PRKG1: variants seen among roughly 807,000 people sequenced by gnomAD.
PRKG1 encodes protein kinase cGMP-dependent 1.
PRKG1 carries 35 observed loss-of-function variants against 88.1 expected under a neutral mutation model. That is an observed-to-expected ratio of 0.40 (90% CI 0.30 to 0.53). PRKG1 has a LOEUF of 0.53. PRKG1 is among the 20% of genes least tolerant of loss of function. The pLI, the probability that PRKG1 is intolerant of heterozygous loss-of-function variation, is 0.59. For synonymous variants in PRKG1, 303 were observed against 292.5 expected (o/e 1.04, Z -0.37); for missense variants, 540 against 839.8 (o/e 0.64, Z 4.41).
intron 2 of PRKG1, among the ~76,000 whole-genome samples, chr10:51,375,755 G>T (rs1469823042): frequency 1.8e-5 from 1 of 54,878 alleles, no homozygotes; most frequent in Non-Finnish European, 3.8e-5. Flanking sequence ...TGTTGGTGGT[G>T]GGGGGGTGTT....
chr10:52,179,384 CT>C (rs1838950864), intron 9 of PRKG1, among the ~76,000 whole-genome samples: 1 of 152,070 alleles, frequency 6.6e-6, no homozygotes, highest in Non-Finnish European at 1.5e-5. Flanking sequence ...CAGGTCCCCT[CT>C]TCTACTTTTG....
intron 5 of PRKG1, chr10:51,909,748 C>T (rs1024513401): frequency 2.6e-5 from 4 of 152,094 alleles, no homozygotes; most frequent in Non-Finnish European, 5.9e-5. Context: ...GAGCTTTTTG[C>T]TTGTTAAAAT....
intron 3 of PRKG1, among the ~76,000 whole-genome samples, chr10:51,803,856 T>G (rs910508047): frequency 6.6e-6 from 1 of 152,178 alleles, no homozygotes; most frequent in African/African-American, 2.4e-5. Flanking sequence ...ATGTGCTCAT[T>G]TTAAAAGTGT....
At chr10:51,642,341 G>A (rs546835234) in intron 3 of PRKG1, among the ~76,000 whole-genome samples, 1 of 152,256 alleles carries the variant, frequency 6.6e-6, no homozygotes, top group East Asian at 1.9e-4. Context: ...AGTGAGCCAA[G>A]ATCATGCCAC....
At chr10:52,186,030 A>G (rs1839192438) in intron 9 of PRKG1, among the ~76,000 whole-genome samples, 1 of 152,184 alleles carries the variant, frequency 6.6e-6, no homozygotes, top group East Asian at 1.9e-4. Flanking sequence ...CCATTTTTAA[A>G]TACCCTTATA....
chr10:52,276,360 A>C (rs1410187347), intron 12 of PRKG1, among the ~76,000 whole-genome samples: 1 of 152,148 alleles, frequency 6.6e-6, no homozygotes, highest in Non-Finnish European at 1.5e-5. Flanking sequence ...CACAGATTGC[A>C]ACATACTTCA....
At chr10:51,841,041 T>A (rs771272427) in intron 4 of PRKG1, among the ~76,000 whole-genome samples, 5 of 152,204 alleles carry the variant, frequency 3.3e-5, no homozygotes, top group African/African-American at 1.2e-4. Context: ...AATGATTTCG[T>A]TTTCTTGTCA....
intron 7 of PRKG1, among the ~76,000 whole-genome samples, chr10:52,094,794 T>C (rs1056817630): frequency 6.6e-6 from 1 of 152,164 alleles, no homozygotes; most frequent in Admixed American, 6.6e-5. Flanking sequence ...TAATCCCATC[T>C]TGAGGACCCT....
intron 3 of PRKG1, among the ~76,000 whole-genome samples, chr10:51,744,682 C>T (rs1444427006): frequency 6.6e-6 from 1 of 152,140 alleles, no homozygotes; most frequent in African/African-American, 2.4e-5. Context: ...GATTTTTGAG[C>T]TTTTAAGGCT....
At chr10:52,177,364 A>T (rs771123774) in intron 9 of PRKG1, among the ~76,000 whole-genome samples, 1 of 151,962 alleles carries the variant, frequency 6.6e-6, no homozygotes, top group Non-Finnish European at 1.5e-5. Flanking sequence ...ATCCCATTTG[A>T]TCATGGTGTA....
chr10:51,532,471 A>G (rs1303878115), intron 3 of PRKG1, among the ~76,000 whole-genome samples: 2 of 152,150 alleles, frequency 1.3e-5, no homozygotes, highest in African/African-American at 4.8e-5. Context: ...GTGAATTTAC[A>G]TTATTTTACT....
chr10:51,495,272 T>C (rs922344051), intron 3 of PRKG1, among the ~76,000 whole-genome samples: 1 of 152,034 alleles, frequency 6.6e-6, no homozygotes, highest in Non-Finnish European at 1.5e-5. Flanking sequence ...TTTTTTGTAT[T>C]TTTAGTAGAG....
At position 51,550,869 on chromosome 10, in the gene PRKG1, T is replaced by G. The variant is rs182174749; in HGVS notation, c.592+83033T>G. Among the ~76,000 whole-genome samples the G allele has an allele frequency of 1.7e-4, 26 of 152,066 alleles. No homozygotes were observed. The East Asian group carries it at 4.8e-3, about 28-fold the overall frequency. ...TCTGACATTGGTTCAATGTCAAAATTTTGTTACTATTTTCCAACCCTAAAT... is the reference window on the plus strand; with the variant it reads ...TCTGACATTGGTTCAATGTCAAAATGTTGTTACTATTTTCCAACCCTAAAT... On this transcript the variant is annotated intron_variant, in intron 3 of 17. Transcript: ENST00000373980.
intron 2 of PRKG1, among the ~76,000 whole-genome samples, chr10:51,426,719 C>T (rs293330): frequency 0.57 from 86,416 of 151,918 alleles, 24,763 homozygotes; most frequent in Admixed American, 0.6. Flanking sequence ...CACACATATA[C>T]AGAAGTATTC....
intron 4 of PRKG1, among the ~76,000 whole-genome samples, chr10:51,888,440 T>A (rs1163572433): frequency 1.3e-5 from 2 of 152,228 alleles, no homozygotes; most frequent in Admixed American, 6.5e-5. Flanking sequence ...AAAGCATTAC[T>A]TCAACTTCTG....
At chr10:51,860,975 G>A (rs1366409775) in intron 4 of PRKG1, among the ~76,000 whole-genome samples, 8 of 152,222 alleles carry the variant, frequency 5.3e-5, no homozygotes, top group African/African-American at 1.9e-4. Flanking sequence ...TCTCTTCAGA[G>A]CAGGAATTCA....
intron 3 of PRKG1, among the ~76,000 whole-genome samples, chr10:51,799,407 A>G (rs1839106065): frequency 6.6e-6 from 1 of 151,932 alleles, no homozygotes; most frequent in Non-Finnish European, 1.5e-5. Context: ...GTTTCCTCCA[A>G]GGGACACATT....
chr10:51,551,207 A>G (rs1321025422), intron 3 of PRKG1, among the ~76,000 whole-genome samples: 1 of 151,858 alleles, frequency 6.6e-6, no homozygotes, highest in Non-Finnish European at 1.5e-5. Flanking sequence ...ATCATGCTCC[A>G]AAGACTATTT....
rs1204989857 is a variant in PRKG1 at position 51,016,729 on chromosome 10, C to T, written c.266+25085C>T. Among the ~76,000 whole-genome samples, 3 of 94,568 alleles carry T rather than the reference C, an allele frequency of 3.2e-5. No individual in the cohort carries two copies. In the Admixed American group the frequency reaches 4.4e-4, roughly 14 times the overall value. The allele number at this position is 94,568 out of a possible 152,430, so 62.0% of individuals were successfully genotyped here. ...CTGTTGCCAGGCTGGAGTGCAGTGG[C>T]GCGATCTCGGCTCACTGGAAACTCC... is the stretch of plus-strand genomic sequence containing the variant. On this transcript the variant is annotated intron_variant, in intron 1 of 17. Coordinates refer to the PRKG1 transcript ENST00000401604.
Sources: allele counts gnomAD v4.1 joint callset (sites outside exome capture counted in the v4.1 genomes callset), GRCh38; gene constraint gnomAD v4.1.1; transcripts MANE v1.5; gene names NCBI Gene and HGNC (gene_info 2026-07-23, HGNC 2026-07-21).